KCNT2: variants seen among roughly 807,000 people sequenced by gnomAD.
The protein encoded by KCNT2 is potassium sodium-activated channel subfamily T member 2.
KCNT2 carries 67 observed loss-of-function variants against 153.8 expected under a neutral mutation model. The ratio of observed to expected loss-of-function variants is 0.44; its 90% confidence interval spans 0.36 to 0.53. The LOEUF is 0.53. Ranked by LOEUF, KCNT2 falls within the 20% of genes least tolerant of loss-of-function variation. The pLI, the probability that KCNT2 is intolerant of heterozygous loss-of-function variation, is 0.00. For missense variants in KCNT2, 975 were observed against 1,354.8 expected, an observed-to-expected ratio of 0.72 and a Z score of 4.40; for synonymous variants, 500 against 458.8, an observed-to-expected ratio of 1.09 and a Z score of -1.15.
chr1:196,427,495 C>T (rs1304242739), intron 10 of KCNT2, among the ~76,000 whole-genome samples: 1 of 151,898 alleles, frequency 6.6e-6, no homozygotes, highest in African/African-American at 2.4e-5. Flanking sequence ...AATGCCATGG[C>T]CCGTAGCAGA....
At chr1:196,350,540 T>A (rs4483388) in intron 14 of KCNT2, among the ~76,000 whole-genome samples, 87 of 151,696 alleles carry the variant, frequency 5.7e-4, no homozygotes, top group Admixed American at 2.6e-3. Flanking sequence ...CTTTGCCCAC[T>A]TTTTGATGGG....
chr1:196,400,125 G>A (rs1394814733), intron 12 of KCNT2, among the ~76,000 whole-genome samples: 2 of 151,738 alleles, frequency 1.3e-5, no homozygotes, highest in African/African-American at 4.8e-5. Flanking sequence ...ATATCAGAAT[G>A]AGCCCAATAA....
chr1:196,562,438 G>A (rs1659535636), intron 1 of KCNT2, among the ~76,000 whole-genome samples: 1 of 151,868 alleles, frequency 6.6e-6, no homozygotes, highest in African/African-American at 2.4e-5. Flanking sequence ...GGCTAACTTT[G>A]AAATGCTCTT....
intron 14 of KCNT2, among the ~76,000 whole-genome samples, chr1:196,364,776 A>C (rs1292179317): frequency 6.6e-6 from 1 of 152,092 alleles, no homozygotes; most frequent in Non-Finnish European, 1.5e-5. Flanking sequence ...GTTTATAAGA[A>C]TTTTCATTTC....
At chr1:196,255,864 C>CTT (rs149467757) in intron 26 of KCNT2, among the ~76,000 whole-genome samples, 10,940 of 151,830 alleles carry the variant, frequency 0.072, 425 homozygotes, top group African/African-American at 0.088. Flanking sequence ...ATTTGTATGA[C>CTT]TTGATTATTT....
intron 1 of KCNT2, among the ~76,000 whole-genome samples, chr1:196,579,060 A>T (rs1465405470): frequency 6.6e-6 from 1 of 152,060 alleles, no homozygotes; most frequent in African/African-American, 2.4e-5. Context: ...ACCTTGACAC[A>T]TCACAATCAC....
intron 16 of KCNT2, among the ~76,000 whole-genome samples, chr1:196,336,682 C>G (rs1180753193): frequency 2.0e-5 from 3 of 152,192 alleles, no homozygotes; most frequent in Admixed American, 2.0e-4. Flanking sequence ...TCCATTGAAA[C>G]AGCTCTTATG....
intron 25 of KCNT2, among the ~76,000 whole-genome samples, chr1:196,263,938 T>C (rs1657271954): frequency 1.3e-5 from 2 of 152,134 alleles, no homozygotes; most frequent in Non-Finnish European, 2.9e-5. Context: ...TTTTACTGCA[T>C]TGTGTGTATA....
chr1:196,477,403 T>C (rs1217891687), intron 5 of KCNT2, among the ~76,000 whole-genome samples: 3 of 151,992 alleles, frequency 2.0e-5, no homozygotes, highest in Non-Finnish European at 4.4e-5. Context: ...CTGGGCAACA[T>C]GGCAAAATCC....
intron 25 of KCNT2, among the ~76,000 whole-genome samples, chr1:196,270,248 C>G (rs979626530): frequency 6.6e-6 from 1 of 151,832 alleles, no homozygotes; most frequent in Non-Finnish European, 1.5e-5. Flanking sequence ...ATTATAGTGG[C>G]CCAAGGTCTA....
intron 1 of KCNT2, among the ~76,000 whole-genome samples, chr1:196,497,382 C>CT (rs1680338492): frequency 6.6e-6 from 1 of 151,988 alleles, no homozygotes; most frequent in Admixed American, 6.6e-5. Context: ...TGATACAGAT[C>CT]TGTTTTTCTT....
chr1:196,402,007 A>AC (rs1671454353), intron 12 of KCNT2, among the ~76,000 whole-genome samples: 1 of 151,556 alleles, frequency 6.6e-6, no homozygotes, highest in Non-Finnish European at 1.5e-5. Flanking sequence ...CCTGGAAAAA[A>AC]TTCTAAAGTT....
rs1165821608 is a variant in KCNT2 at position 196,331,381 on chromosome 1, T to A, written c.1998-120A>T. The A allele has an allele frequency of 4.2e-5, 28 of 669,860 alleles. No individual in the cohort carries two copies. In the East Asian group the frequency reaches 7.5e-4, roughly 18 times the overall value. The allele number at this position is 669,860 out of a possible 1,614,324, so 41.5% of individuals were successfully genotyped here. A position where few individuals can be genotyped will look rare whatever the true frequency, so the allele number is the denominator to read the frequency against. On this transcript the variant is annotated intron_variant, in intron 17 of 27. Coordinates refer to ENST00000294725, the MANE Select transcript of KCNT2 (RefSeq NM_198503.5). Reference sequence around the variant, plus strand: ...TCAATACCTCTGTGTTGCAATTATATTTTGATAAAGAGGTAGTTAAGAAGA... The same window carrying A: ...TCAATACCTCTGTGTTGCAATTATAATTTGATAAAGAGGTAGTTAAGAAGA...
intron 1 of KCNT2, among the ~76,000 whole-genome samples, chr1:196,492,706 T>A (rs1456796239): frequency 6.6e-6 from 1 of 152,182 alleles, no homozygotes; most frequent in East Asian, 1.9e-4. Context: ...TGGGTTTGAA[T>A]CAGTGCTTTC....
At position 196,482,375 on chromosome 1, in the gene KCNT2, G is replaced by A. The variant is rs751230080; in HGVS notation, c.280C>T (p.His94Tyr). Residue 94 changes from histidine (H) to tyrosine (Y), a missense_variant, in exon 4 of 28, where the codon CAT (histidine) becomes TAT (tyrosine). By Grantham distance (83) the His-to-Tyr change is moderately conservative. This residue lies in a region of KCNT2 where 140 missense variants were observed against 216.0 expected (regional missense o/e 0.65). Transcript: ENST00000294725. ...ENPSQGNEWS[H>Y]IFWVNRSLPL... The stretch of plus-strand genomic sequence containing the variant: ...AGACTTCTGTTCACCCAAAAGATAT[G>A]AGACCTATAAAAAGAATAATAATAA... 7.8e-6 allele frequency: 12 copies of A among 1,532,824 alleles called. No homozygotes were observed. The highest frequency in any genetic ancestry group is 2.8e-5 in the African/African-American group (2 of 70,882). The allele number at this position is 1,532,824 out of a possible 1,614,324, so 95.0% of individuals were successfully genotyped here. A position where few individuals can be genotyped will look rare whatever the true frequency, so the allele number is the denominator to read the frequency against.
chr1:196,255,865 T>G (rs1656440181), intron 26 of KCNT2, among the ~76,000 whole-genome samples: 1 of 130,842 alleles, frequency 7.6e-6, no homozygotes. Flanking sequence ...TTTGTATGAC[T>G]TGATTATTTC....
At chr1:196,580,983 T>C (rs1661965358) in intron 1 of KCNT2, among the ~76,000 whole-genome samples, 1 of 152,166 alleles carries the variant, frequency 6.6e-6, no homozygotes, top group Non-Finnish European at 1.5e-5. Context: ...CTATGTACAA[T>C]CATTATTTTG....
At chr1:196,359,496 C>T (rs1667447556) in intron 14 of KCNT2, among the ~76,000 whole-genome samples, 1 of 151,992 alleles carries the variant, frequency 6.6e-6, no homozygotes, top group Admixed American at 6.6e-5. Context: ...AATAAATCAT[C>T]TCAATCTTTA....
chr1:196,269,165 T>G (rs1402684884), intron 25 of KCNT2, among the ~76,000 whole-genome samples: 1 of 152,136 alleles, frequency 6.6e-6, no homozygotes, highest in Non-Finnish European at 1.5e-5. Context: ...TTAATGTAAG[T>G]GTGAGCAGAT....
Sources: gnomAD v4.1 joint callset for allele counts (sites outside exome capture counted in the v4.1 genomes callset) on GRCh38, gnomAD v4.1.1 for gene constraint, gnomAD v4.1.1 regional missense constraint, MANE v1.5 for transcripts, NCBI Gene and HGNC (gene_info 2026-07-23, HGNC 2026-07-21) for gene names.